FAAH2: variants seen among roughly 807,000 people sequenced by gnomAD.
FAAH2 encodes the protein fatty-acid amide hydrolase 2.
Under a neutral mutation model 36.9 loss-of-function variants are expected in FAAH2, and 60 were observed. The ratio of observed to expected loss-of-function variants is 1.63; its 90% confidence interval spans 1.32 to 2.02. FAAH2 has a LOEUF of 2.02. Ranked by LOEUF, FAAH2 falls within the 30% of genes most tolerant of loss-of-function variation. The probability of loss-of-function intolerance (pLI) is 0.00; values close to 1 mark genes in which losing one functional copy is unlikely to be tolerated. For missense variants in FAAH2, 689 were observed against 397.5 expected, an observed-to-expected ratio of 1.73 and a Z score of -6.23; for synonymous variants, 214 against 143.8, an observed-to-expected ratio of 1.49 and a Z score of -3.49.
chrX:57,363,692 G>A (rs1489205556), intron 5 of FAAH2, among the ~76,000 whole-genome samples: 2 of 111,090 alleles, frequency 1.8e-5, no homozygotes, highest in African/African-American at 6.5e-5. Flanking sequence ...GATAACATTG[G>A]CTGTTAGTTT....
At chrX:57,292,255 C>T (rs774092788) in intron 1 of FAAH2, among the ~76,000 whole-genome samples, 1 of 111,208 alleles carries the variant, frequency 9.0e-6, no homozygotes, top group African/African-American at 3.3e-5. Flanking sequence ...AGAGTTTATT[C>T]CTTTTATCCC....
At chrX:57,478,784 G>T (rs1425328661) in intron 10 of FAAH2, among the ~76,000 whole-genome samples, 2 of 111,800 alleles carry the variant, frequency 1.8e-5, no homozygotes, top group Non-Finnish European at 3.8e-5. Flanking sequence ...GTTTGTCAAA[G>T]ATCAGATAGT....
At chrX:57,270,652 T>C in the FAAH2 span, among the ~76,000 whole-genome samples, 1 of 111,856 alleles carries the variant, frequency 8.9e-6, no homozygotes, top group Admixed American at 9.5e-5. Flanking sequence ...TCAATGGGAC[T>C]GGTTGCACAG....
At chrX:57,488,715 A>G in intron 10 of FAAH2, 42 bp from the exon 11 acceptor site, 1 of 1,173,329 alleles carries the variant, frequency 8.5e-7, no homozygotes, top group Non-Finnish European at 1.1e-6. Context: ...CGTTTTCAGG[A>G]ACAGGTCTTG....
the FAAH2 span, among the ~76,000 whole-genome samples, chrX:57,123,954 G>T: frequency 5.4e-5 from 6 of 111,709 alleles, no homozygotes; most frequent in East Asian, 2.8e-4. Context: ...TCTGTAGGTT[G>T]CCTGTTCACT....
chrX:57,279,088 C>T, the FAAH2 span, among the ~76,000 whole-genome samples: 1 of 112,186 alleles, frequency 8.9e-6, no homozygotes, highest in Non-Finnish European at 1.9e-5. Flanking sequence ...TTTGTCCCAG[C>T]AATCCCATTA....
chrX:57,314,359 G>A (rs1264974950), intron 3 of FAAH2, among the ~76,000 whole-genome samples: 1 of 110,867 alleles, frequency 9.0e-6, no homozygotes, highest in Non-Finnish European at 1.9e-5. Context: ...AAGAAACTCA[G>A]GGCTTCACCT....
the FAAH2 span, among the ~76,000 whole-genome samples, chrX:57,193,286 T>C: frequency 8.9e-6 from 1 of 111,906 alleles, no homozygotes; most frequent in Non-Finnish European, 1.9e-5. Flanking sequence ...GCTCCCAGAC[T>C]TATTAGGATG....
chrX:57,430,679 C>T (rs1440130336), intron 7 of FAAH2, among the ~76,000 whole-genome samples: 1 of 112,025 alleles, frequency 8.9e-6, no homozygotes, highest in East Asian at 2.8e-4. Flanking sequence ...TGCTTTGACT[C>T]TTCTGCTTAT....
At chrX:57,315,788 C>T (rs2052821362) in intron 3 of FAAH2, among the ~76,000 whole-genome samples, 1 of 111,347 alleles carries the variant, frequency 9.0e-6, no homozygotes, top group South Asian at 3.8e-4. Context: ...CTATACCAAA[C>T]ACACAGGCAA....
the FAAH2 span, among the ~76,000 whole-genome samples, chrX:57,233,008 T>G: frequency 8.9e-6 from 1 of 112,456 alleles, no homozygotes; most frequent in Non-Finnish European, 1.9e-5. Context: ...TACTCCCTGA[T>G]GCATTTATAA....
At chrX:57,164,232 G>A in the FAAH2 span, among the ~76,000 whole-genome samples, 1 of 112,341 alleles carries the variant, frequency 8.9e-6, no homozygotes, top group Non-Finnish European at 1.9e-5. Flanking sequence ...GTTTCTAGAT[G>A]TCATGGTATG....
the FAAH2 span, among the ~76,000 whole-genome samples, chrX:57,268,115 A>T: frequency 2.7e-5 from 3 of 112,096 alleles, no homozygotes; most frequent in Non-Finnish European, 5.6e-5. Context: ...AAAAAATTAC[A>T]GAAGCTGACA....
the FAAH2 span, among the ~76,000 whole-genome samples, chrX:57,164,962 G>A: frequency 8.9e-6 from 1 of 112,343 alleles, no homozygotes; most frequent in African/African-American, 3.2e-5. Context: ...TAGCCATACG[G>A]ATCTACTCTG....
chrX:57,431,387 A>ACC (rs1169096852), intron 7 of FAAH2, among the ~76,000 whole-genome samples: 1 of 111,396 alleles, frequency 9.0e-6, no homozygotes, highest in Non-Finnish European at 1.9e-5. Context: ...ATCTGCAGTA[A>ACC]CCCAGCAATC....
chrX:57,236,464 T>A, the FAAH2 span, among the ~76,000 whole-genome samples: 2 of 112,467 alleles, frequency 1.8e-5, no homozygotes, highest in Non-Finnish European at 3.8e-5. Flanking sequence ...AGCAGTAGTG[T>A]ACAATAGTTT....
chrX:57,485,104 A>G (rs978622966), intron 10 of FAAH2, among the ~76,000 whole-genome samples: 4 of 111,906 alleles, frequency 3.6e-5, no homozygotes, highest in Non-Finnish European at 7.5e-5. Flanking sequence ...TTCATTGGGT[A>G]GGGCAAGTCC....
At chrX:57,216,033 T>G in the FAAH2 span, among the ~76,000 whole-genome samples, 4 of 108,562 alleles carry the variant, frequency 3.7e-5, no homozygotes, top group African/African-American at 1.3e-4. Flanking sequence ...CGTATGTGTG[T>G]GTGTAGTGTC....
intron 10 of FAAH2, among the ~76,000 whole-genome samples, chrX:57,460,462 T>C (rs778007697): frequency 9.2e-4 from 103 of 112,005 alleles, no homozygotes; most frequent in Non-Finnish European, 1.3e-3. Context: ...CAGATGTCTC[T>C]GCAGAAACCC....
Sources: allele counts gnomAD v4.1 joint callset (sites outside exome capture counted in the v4.1 genomes callset), GRCh38; gene constraint gnomAD v4.1.1; transcripts MANE v1.5; gene names NCBI Gene and HGNC (gene_info 2026-07-23, HGNC 2026-07-21).